GRID2: variants seen among roughly 807,000 people sequenced by gnomAD.
GRID2 encodes the protein glutamate receptor ionotropic, delta-2.
Under a neutral mutation model 114.8 loss-of-function variants are expected in GRID2, and 33 were observed. The observed-to-expected ratio is 0.29, with a 90% CI of 0.22 to 0.38. The LOEUF is 0.38. Among genes scored for constraint, GRID2 ranks in the 10% least tolerant of loss-of-function variants. The pLI, the probability that GRID2 is intolerant of heterozygous loss-of-function variation, is 1.00. For missense variants in GRID2, 1,184 were observed against 1,257.7 expected (o/e 0.94, Z 0.89); for synonymous variants, 505 against 449.9 (o/e 1.12, Z -1.55).
At chr4:92,756,047 A>G (rs1737705196) in intron 2 of GRID2, among the ~76,000 whole-genome samples, 1 of 152,102 alleles carries the variant, frequency 6.6e-6, no homozygotes, top group Non-Finnish European at 1.5e-5. Context: ...ATGATCAAAC[A>G]TTAGAACTTA....
At chr4:92,750,132 A>C (rs1230965299) in intron 2 of GRID2, among the ~76,000 whole-genome samples, 1 of 152,182 alleles carries the variant, frequency 6.6e-6, no homozygotes, top group Non-Finnish European at 1.5e-5. Context: ...AAGTGCTGGG[A>C]TTACAGATAT....
At chr4:93,270,603 TTTC>T (rs1751346064) in intron 8 of GRID2, among the ~76,000 whole-genome samples, 1 of 151,998 alleles carries the variant, frequency 6.6e-6, no homozygotes, top group Non-Finnish European at 1.5e-5. Context: ...TAATATGTAT[TTTC>T]TTCTTCTTGT....
intron 13 of GRID2, among the ~76,000 whole-genome samples, chr4:93,617,575 T>C (rs1741801387): frequency 6.6e-6 from 1 of 152,176 alleles, no homozygotes. Context: ...AACATTGTCA[T>C]TTAGCCTTAT....
intron 2 of GRID2, among the ~76,000 whole-genome samples, chr4:92,674,261 G>A (rs1418919201): frequency 2.6e-5 from 4 of 151,828 alleles, no homozygotes; most frequent in South Asian, 4.2e-4. Flanking sequence ...ACTTCATTAC[G>A]AGCATGTATG....
chr4:92,794,739 G>C lies in GRID2; in HGVS notation c.244+204453G>C, dbSNP rs1230680042. 2.0e-5 allele frequency among the ~76,000 whole-genome samples: 3 copies of C among 151,266 alleles called. No homozygotes were observed. In the Admixed American group the frequency reaches 2.0e-4, roughly 10 times the overall value. The stretch of plus-strand genomic sequence containing the variant: ...ACAGTTGACTCTTGAACAACATAAG[G>C]TCTAGGGGCACTGACACCTTGTGCA... On this transcript the variant is annotated intron_variant, in intron 2 of 15. Coordinates refer to ENST00000282020, the MANE Select transcript of GRID2 (RefSeq NM_001510.4).
intron 2 of GRID2, among the ~76,000 whole-genome samples, chr4:92,861,457 C>T (rs1426764572): frequency 6.6e-6 from 1 of 152,144 alleles, no homozygotes; most frequent in African/African-American, 2.4e-5. Flanking sequence ...AAGCAATCAT[C>T]TTTTTCTCAT....
At chr4:92,937,084 C>A (rs777930123) in intron 2 of GRID2, among the ~76,000 whole-genome samples, 1 of 146,226 alleles carries the variant, frequency 6.8e-6, no homozygotes, top group African/African-American at 2.4e-5. Flanking sequence ...GCATACTAGG[C>A]GGTTATCAGA....
intron 1 of GRID2, among the ~76,000 whole-genome samples, chr4:93,802,410 CAG>C (rs530154753): frequency 6.6e-6 from 1 of 151,084 alleles, no homozygotes; most frequent in Non-Finnish European, 1.5e-5. Context: ...GTGTGTGTGA[CAG>C]AGAGAGAGAA....
intron 2 of GRID2, among the ~76,000 whole-genome samples, chr4:92,747,353 A>G (rs1047216495): frequency 6.6e-6 from 1 of 152,108 alleles, no homozygotes; most frequent in African/African-American, 2.4e-5. Context: ...TATTCAGGGA[A>G]TGTTGAATAT....
chr4:93,501,302 A>G (rs1254663534), intron 12 of GRID2, among the ~76,000 whole-genome samples: 1 of 152,008 alleles, frequency 6.6e-6, no homozygotes, highest in East Asian at 1.9e-4. Context: ...TCAGTCTTCC[A>G]GTAGGAGTCT....
intron 2 of GRID2, among the ~76,000 whole-genome samples, chr4:92,643,103 T>C (rs1237800713): frequency 6.6e-6 from 1 of 151,736 alleles, no homozygotes; most frequent in Non-Finnish European, 1.5e-5. Flanking sequence ...TCCATGTGAA[T>C]TTTAGAATAG....
intron 4 of GRID2, among the ~76,000 whole-genome samples, chr4:93,158,684 G>A (rs943777150): frequency 6.6e-6 from 1 of 151,674 alleles, no homozygotes; most frequent in African/African-American, 2.4e-5. Flanking sequence ...GAAGAGCTCT[G>A]GAGTTCGAGT....
chr4:93,506,277 A>G (rs1042670043), intron 12 of GRID2, among the ~76,000 whole-genome samples: 1 of 152,034 alleles, frequency 6.6e-6, no homozygotes, highest in Non-Finnish European at 1.5e-5. Context: ...AAATATTCCC[A>G]AGTCTGTCAG....
chr4:93,721,462 A>G (rs1729370670), intron 14 of GRID2, among the ~76,000 whole-genome samples: 1 of 152,190 alleles, frequency 6.6e-6, no homozygotes, highest in Non-Finnish European at 1.5e-5. Context: ...TTCAGATGTA[A>G]TAAAGGAAAT....
rs183220390 is a variant in GRID2 at position 92,939,113 on chromosome 4, A to C, written c.245-145882A>C. On this transcript the variant is annotated intron_variant, in intron 2 of 15. Transcript: ENST00000282020. ...GATGGCTGGGTCAAATGGTATTTCT[A>C]GTTCTAGATCCATGAGGAACTGCTA... 9.2e-3 allele frequency among the ~76,000 whole-genome samples: 1,352 copies of C among 147,296 alleles called. 140 individuals are homozygous for C. Among genetic ancestry groups the C allele is most frequent in the Non-Finnish European group, 0.014 (922 of 66,522 alleles).
intron 8 of GRID2, among the ~76,000 whole-genome samples, chr4:93,261,194 A>G (rs1226312990): frequency 1.3e-5 from 2 of 151,944 alleles, no homozygotes; most frequent in Admixed American, 1.3e-4. Flanking sequence ...CCCAGAGATT[A>G]TAATTGAGGG....
intron 8 of GRID2, among the ~76,000 whole-genome samples, chr4:93,316,298 A>AAG (rs1553907390): frequency 1.4e-5 from 1 of 70,598 alleles, no homozygotes. Flanking sequence ...GAACGAAAGA[A>AAG]AGAAAGAAAG....
At chr4:92,557,655 A>AT (rs1293798715) in intron 1 of GRID2, among the ~76,000 whole-genome samples, 1 of 149,846 alleles carries the variant, frequency 6.7e-6, no homozygotes, top group African/African-American at 2.4e-5. Flanking sequence ...TTATATATAT[A>AT]TATATAACCA....
chr4:92,843,595 A>C (rs1315163033), intron 2 of GRID2, among the ~76,000 whole-genome samples: 1 of 152,160 alleles, frequency 6.6e-6, no homozygotes, highest in Non-Finnish European at 1.5e-5. Context: ...ATGAGAAGAT[A>C]CTGCTTTACC....
Sources: gnomAD v4.1 joint callset for allele counts (sites outside exome capture counted in the v4.1 genomes callset) on GRCh38, gnomAD v4.1.1 for gene constraint, MANE v1.5 for transcripts, NCBI Gene and HGNC (gene_info 2026-07-23, HGNC 2026-07-21) for gene names.